Variants in E2F7 observed in about 807,000 individuals in gnomAD.
The protein encoded by E2F7 is transcription factor E2F7.
E2F7 carries 35 observed loss-of-function variants against 81.1 expected under a neutral mutation model. The ratio of observed to expected loss-of-function variants is 0.43; its 90% CI spans 0.33 to 0.57. The LOEUF is 0.57. E2F7 is among the 20% of genes least tolerant of loss of function. The probability of loss-of-function intolerance (pLI) is 0.04; values close to 1 mark genes in which losing one functional copy is unlikely to be tolerated. For synonymous variants in E2F7, 416 were observed against 416.2 expected (o/e 1.00, Z 0.01); for missense variants, 961 against 1,093.7 (o/e 0.88, Z 1.71).
At chr12:77,039,327 A>G (rs942499411) in intron 7 of E2F7, among the ~76,000 whole-genome samples, 1 of 152,234 alleles carries the variant, frequency 6.6e-6, no homozygotes, top group South Asian at 2.1e-4. Context: ...CTTCCTGAAG[A>G]TTAAGATCTT....
At chr12:77,046,909 T>C (rs554175518) in intron 4 of E2F7, among the ~76,000 whole-genome samples, 2 of 152,342 alleles carry the variant, frequency 1.3e-5, no homozygotes, top group South Asian at 2.1e-4. Flanking sequence ...GAACTGGAAA[T>C]GCAGGTGTCA....
chr12:77,032,053 C>G (rs1005923275), intron 9 of E2F7, among the ~76,000 whole-genome samples: 2 of 152,252 alleles, frequency 1.3e-5, no homozygotes, highest in Non-Finnish European at 2.9e-5. Context: ...CTGTCTCACA[C>G]TGGTTTCCCT....
chr12:77,044,560 C>A (rs1165055006), intron 6 of E2F7, 77 bp downstream of exon 6: 2 of 1,521,288 alleles, frequency 1.3e-6, no homozygotes, highest in Admixed American at 4.0e-5. Context: ...TATTTTTAAT[C>A]TTGGAAGCAG....
Position 77,040,645 on chromosome 12 carries a change from C to A in E2F7, c.1123+2420G>T, listed in dbSNP as rs367583148. Among the ~76,000 whole-genome samples the A allele has an allele frequency of 5.9e-5, 9 of 152,178 alleles. No homozygotes were observed. In the East Asian group the frequency reaches 9.7e-4, roughly 16 times the overall value. On this transcript the variant is annotated intron_variant, in intron 7 of 12. Coordinates refer to ENST00000322886, the MANE Select transcript of E2F7 (RefSeq NM_203394.3). ...AAAAATTATAGAAAATACAAACAAA[C>A]CCAGAATGACAGAAAGCAGGTCAGT...
intron 6 of E2F7, 111 bp from the exon 7 acceptor site, chr12:77,043,310 A>C: frequency 6.8e-7 from 1 of 1,464,380 alleles, no homozygotes; most frequent in South Asian, 1.2e-5. Context: ...GGTGGAAAGC[A>C]GCAGGTTGGG....
At chr12:77,030,415 A>G in intron 9 of E2F7, 83 bp from the exon 10 acceptor site, 1 of 1,472,450 alleles carries the variant, frequency 6.8e-7, no homozygotes, top group Non-Finnish European at 9.1e-7. Flanking sequence ...GCCATGCCAA[A>G]TCAAGAATGA....
intron 3 of E2F7, among the ~76,000 whole-genome samples, chr12:77,051,442 A>T (rs1273465377): frequency 6.6e-6 from 1 of 152,140 alleles, no homozygotes; most frequent in African/African-American, 2.4e-5. Context: ...CATGATTTTC[A>T]AAAACACCTT....
chr12:77,061,424 C>T (rs1736652504), intron 2 of E2F7, among the ~76,000 whole-genome samples: 2 of 152,150 alleles, frequency 1.3e-5, no homozygotes, highest in African/African-American at 4.8e-5. Flanking sequence ...TCACTAACTC[C>T]CCTCCTCTCT....
At chr12:77,038,103 C>T (rs551948307) in intron 7 of E2F7, among the ~76,000 whole-genome samples, 3 of 152,192 alleles carry the variant, frequency 2.0e-5, no homozygotes, top group African/African-American at 7.2e-5. Flanking sequence ...AGACAGTGAT[C>T]CTAAATATTT....
At chr12:77,059,848 A>C (rs987984125) in intron 2 of E2F7, among the ~76,000 whole-genome samples, 6 of 151,634 alleles carry the variant, frequency 4.0e-5, no homozygotes, top group African/African-American at 1.2e-4. Flanking sequence ...CTGTAGTCCC[A>C]GCTACTCTGG....
intron 7 of E2F7, among the ~76,000 whole-genome samples, chr12:77,037,093 G>A (rs1393836062): frequency 6.6e-6 from 1 of 152,098 alleles, no homozygotes; most frequent in Non-Finnish European, 1.5e-5. Context: ...TCAAAAGCAA[G>A]GGCACAATAA....
rs188044406 is a variant in E2F7, at chr12:77,026,629, A to C, written c.2141-647T>G. Among the ~76,000 whole-genome samples the C allele has an allele frequency of 3.1e-3, 473 of 152,240 alleles. 3 individuals are homozygous for C. Among genetic ancestry groups the C allele is most frequent in the African/African-American group, 0.011 (460 of 41,554 alleles). ...AATATCTTTATAAGTTCCTAACTGAAAATTTTTATTTCCCTCAATTATCAC... is the reference window on the plus strand; with the variant it reads ...AATATCTTTATAAGTTCCTAACTGACAATTTTTATTTCCCTCAATTATCAC... On this transcript the variant is annotated intron_variant, in intron 11 of 12. Coordinates refer to ENST00000322886, the MANE Select transcript of E2F7 (RefSeq NM_203394.3).
intron 7 of E2F7, among the ~76,000 whole-genome samples, chr12:77,036,744 A>ATT (rs35187102): frequency 1.0e-4 from 14 of 136,106 alleles, no homozygotes; most frequent in Admixed American, 2.9e-4. Context: ...AGAATTCTCC[A>ATT]TTTTTTTTTT....
chr12:77,049,437 C>G (rs1240099322), intron 4 of E2F7, among the ~76,000 whole-genome samples: 1 of 152,196 alleles, frequency 6.6e-6, no homozygotes, highest in Non-Finnish European at 1.5e-5. Flanking sequence ...TAAGAGCTCT[C>G]CATGCCAGCC....
chr12:77,039,583 A>T (rs963913715), intron 7 of E2F7, among the ~76,000 whole-genome samples: 1 of 152,206 alleles, frequency 6.6e-6, no homozygotes, highest in Non-Finnish European at 1.5e-5. Flanking sequence ...TCACTAGAGA[A>T]ATGCAAATTA....
chr12:77,043,976 A>C lies in E2F7; in HGVS notation c.988+661T>G, dbSNP rs543194890. ...GAATTATCATCCAGAAATAGGAAGC[A>C]TTCACCCTGGATGCAGCTTTCTTCT... On this transcript the variant is annotated intron_variant, in intron 6 of 12. Coordinates refer to ENST00000322886, the MANE Select transcript of E2F7 (RefSeq NM_203394.3). Among the ~76,000 whole-genome samples, 3 of 152,320 alleles carry C rather than the reference A, an allele frequency of 2.0e-5. No homozygotes were observed. The East Asian group carries it at 5.8e-4, about 29-fold the overall frequency.
intron 5 of E2F7, 44 bp downstream of exon 5, chr12:77,045,994 T>G: frequency 1.3e-6 from 2 of 1,585,682 alleles, no homozygotes; most frequent in Admixed American, 3.5e-5. Flanking sequence ...AGACCATCAC[T>G]TGCTCTTTCT....
rs1954719502 is a variant in E2F7 at position 77,022,344 on chromosome 12, A to T, written c.*1671T>A. On this transcript the variant is annotated 3_prime_UTR_variant, in exon 13 of 13. Coordinates refer to ENST00000322886, the MANE Select transcript of E2F7 (RefSeq NM_203394.3). ...GAAGACTGTAAAAAAGAAAAAAAAA[A>T]CTTGTAAACTTTAAAAGTTTAGTGT... The T allele has an allele frequency of 6.6e-6, 1 of 152,502 alleles. No homozygotes were observed. Among genetic ancestry groups the T allele is most frequent in the Admixed American group, 6.5e-5 (1 of 15,274 alleles). The allele number at this position is 152,502 out of a possible 1,614,324, so 9.4% of individuals were successfully genotyped here.
Position 77,025,851 on chromosome 12 carries a change from C to T in E2F7, c.2272G>A (p.Val758Ile). The change falls in exon 12 of 13, where the codon GTT (valine) becomes ATT (isoleucine). Residue 758 changes from valine (V) to isoleucine (I), a missense_variant. Around this residue, in one of 3 missense-constraint regions of E2F7, gnomAD observed 587 missense variants for 620.3 expected, o/e 0.95. Transcript: ENST00000322886. ...LPSPPLGPFP[V>I]LYSPAMPGPV... Reference sequence around the variant, plus strand: ...CCCGGCATTGCAGGAGAATAGAGAACAGGAAAAGGGCCCAGAGGTGGAGAT... The same window carrying T: ...CCCGGCATTGCAGGAGAATAGAGAATAGGAAAAGGGCCCAGAGGTGGAGAT... 1 of 1,613,964 alleles carries T rather than the reference C, an allele frequency of 6.2e-7. No homozygotes were observed. The highest frequency in any genetic ancestry group is 8.5e-7 in the Non-Finnish European group (1 of 1,179,982).
Sources: gnomAD v4.1 joint callset for allele counts (sites outside exome capture counted in the v4.1 genomes callset) on GRCh38, gnomAD v4.1.1 for gene constraint, gnomAD v4.1.1 regional missense constraint, MANE v1.5 for transcripts, NCBI Gene and HGNC (gene_info 2026-07-23, HGNC 2026-07-21) for gene names.